The following MLLT10 variants were observed in gnomAD, a reference collection of about 807,000 sequenced individuals.
The protein encoded by MLLT10 is MLLT10 histone lysine methyltransferase DOT1L cofactor, also known as protein AF-10.
MLLT10 carries 30 observed loss-of-function variants against 129.1 expected under a neutral mutation model. The ratio of observed to expected loss-of-function variants is 0.23; its 90% CI spans 0.17 to 0.32. MLLT10 has a LOEUF of 0.32. MLLT10 is among the 10% of genes least tolerant of loss of function. The pLI is 1.00. For missense variants in MLLT10, 1,119 were observed against 1,268.3 expected, an observed-to-expected ratio of 0.88 and a Z score of 1.79; for synonymous variants, 490 against 446.4, an observed-to-expected ratio of 1.10 and a Z score of -1.23.
At chr10:21,690,578 G>A (rs1333059265) in intron 13 of MLLT10, among the ~76,000 whole-genome samples, 1 of 151,890 alleles carries the variant, frequency 6.6e-6, no homozygotes, top group Non-Finnish European at 1.5e-5. Context: ...GCATCTGAGC[G>A]AGTTATTTTA....
At chr10:21,670,072 G>A (rs1391862290) in intron 9 of MLLT10, among the ~76,000 whole-genome samples, 6 of 151,814 alleles carry the variant, frequency 4.0e-5, no homozygotes, top group Admixed American at 6.6e-5. Flanking sequence ...GAATACTAAA[G>A]CTTATTTTAA....
At chr10:21,698,011 A>G (rs554992413) in intron 13 of MLLT10, among the ~76,000 whole-genome samples, 4 of 152,206 alleles carry the variant, frequency 2.6e-5, no homozygotes, top group Admixed American at 6.5e-5. Flanking sequence ...TGAGCAAGTC[A>G]GGGTATGTGG....
chr10:21,717,547 TTC>T (rs375704948), intron 14 of MLLT10, among the ~76,000 whole-genome samples: 3,807 of 84,572 alleles, frequency 0.045, 106 homozygotes, highest in Middle Eastern at 0.12. Flanking sequence ...TCCTCCCTTC[TTC>T]TTTCTTCTTC....
At chr10:21,691,649 G>A (rs563610983) in intron 13 of MLLT10, among the ~76,000 whole-genome samples, 2 of 151,836 alleles carry the variant, frequency 1.3e-5, no homozygotes, top group Non-Finnish European at 2.9e-5. Context: ...AAACAAATCA[G>A]CATAATAAAC....
intron 3 of MLLT10, among the ~76,000 whole-genome samples, chr10:21,582,295 T>C (rs2041549053): frequency 6.6e-6 from 1 of 151,898 alleles, no homozygotes; most frequent in African/African-American, 2.4e-5. Flanking sequence ...TTTTTTTGTG[T>C]TTTTAGTAGA....
chr10:21,545,958 T>C (rs2036006704), intron 3 of MLLT10, among the ~76,000 whole-genome samples: 1 of 152,218 alleles, frequency 6.6e-6, no homozygotes, highest in Admixed American at 6.5e-5. Flanking sequence ...TGAGCCACCA[T>C]GCCTGGCCTA....
At chr10:21,603,449 G>C (rs1229846291) in intron 5 of MLLT10, among the ~76,000 whole-genome samples, 1 of 152,102 alleles carries the variant, frequency 6.6e-6, no homozygotes, top group Non-Finnish European at 1.5e-5. Context: ...TAATTTGTCT[G>C]CTTCTGCTTT....
At chr10:21,717,123 C>G (rs1387130592) in intron 14 of MLLT10, among the ~76,000 whole-genome samples, 2 of 151,442 alleles carry the variant, frequency 1.3e-5, no homozygotes, top group African/African-American at 4.9e-5. Flanking sequence ...CGCGGTGGTG[C>G]ATGCCTGTAA....
intron 13 of MLLT10, among the ~76,000 whole-genome samples, chr10:21,699,199 A>C (rs2054661183): frequency 6.7e-6 from 1 of 149,328 alleles, no homozygotes; most frequent in Non-Finnish European, 1.5e-5. Context: ...TTTGAGAAAT[A>C]TCTATTCATG....
chr10:21,739,766 C>T (rs2058679406), intron 21 of MLLT10, among the ~76,000 whole-genome samples: 1 of 152,204 alleles, frequency 6.6e-6, no homozygotes, highest in African/African-American at 2.4e-5. Flanking sequence ...TCTTAAGCTG[C>T]TGCACTTCCT....
chr10:21,603,086 ACT>A (rs920004145), intron 5 of MLLT10, among the ~76,000 whole-genome samples: 1 of 147,216 alleles, frequency 6.8e-6, no homozygotes, highest in African/African-American at 2.5e-5. Context: ...ATGGAATCTC[ACT>A]GTTTCCCAGG....
intron 8 of MLLT10, chr10:21,624,519 A>C: frequency 1.1e-6 from 1 of 947,646 alleles, no homozygotes; most frequent in Non-Finnish European, 1.5e-6. Context: ...GTTAAACAAA[A>C]TTTTTTTTGA....
chr10:21,623,826 CAG>C (rs897262462), intron 8 of MLLT10, among the ~76,000 whole-genome samples: 7 of 152,244 alleles, frequency 4.6e-5, no homozygotes, highest in African/African-American at 1.7e-4. Context: ...TGTGTTTTCA[CAG>C]AGAGTTTAAA....
At chr10:21,541,781 T>C (rs1014835457) in intron 3 of MLLT10, among the ~76,000 whole-genome samples, 1 of 152,180 alleles carries the variant, frequency 6.6e-6, no homozygotes, top group Non-Finnish European at 1.5e-5. Context: ...CCCAAAGTGG[T>C]GGGATTACAG....
intron 3 of MLLT10, among the ~76,000 whole-genome samples, chr10:21,574,909 A>G (rs2040576655): frequency 1.3e-5 from 2 of 152,106 alleles, no homozygotes; most frequent in East Asian, 1.9e-4. Flanking sequence ...TATGTCTTGT[A>G]TCTTGTGCCA....
rs191908321 is a variant in MLLT10 at position 21,742,662 on chromosome 10, G to A, written c.*679G>A. 8.6e-4 allele frequency: 193 copies of A among 223,416 alleles called. 1 individual carries two copies. Among genetic ancestry groups the A allele is most frequent in the Non-Finnish European group, 1.3e-3 (146 of 111,986 alleles). 13.8% of individuals were successfully genotyped at this position (223,416 alleles called of 1,614,324 possible). On this transcript the variant is annotated 3_prime_UTR_variant, in exon 23 of 23. Transcript: ENST00000307729. ...TGTTAAGACCTACTCATATTTTGAAGAAATCTTGAGTTAAGTGAGTTCTGA... is the reference window on the plus strand; with the variant it reads ...TGTTAAGACCTACTCATATTTTGAAAAAATCTTGAGTTAAGTGAGTTCTGA...
At chr10:21,551,177 G>A (rs906628641) in intron 3 of MLLT10, among the ~76,000 whole-genome samples, 4 of 150,960 alleles carry the variant, frequency 2.6e-5, no homozygotes, top group South Asian at 2.1e-4. Context: ...CGCCTGCCTC[G>A]GCCTCCCAAA....
intron 9 of MLLT10, among the ~76,000 whole-genome samples, chr10:21,654,110 G>A (rs2049319565): frequency 6.6e-6 from 1 of 152,172 alleles, no homozygotes; most frequent in Non-Finnish European, 1.5e-5. Context: ...TTAGTCATTT[G>A]GAGGTCATTA....
At chr10:21,597,056 C>A (rs1361746602) in intron 5 of MLLT10, among the ~76,000 whole-genome samples, 3 of 151,704 alleles carry the variant, frequency 2.0e-5, no homozygotes, top group Non-Finnish European at 4.4e-5. Flanking sequence ...TTTTTAAAAA[C>A]CTTGTTTTTC....
Sources: gnomAD v4.1 joint callset for allele counts (sites outside exome capture counted in the v4.1 genomes callset) on GRCh38, gnomAD v4.1.1 for gene constraint, MANE v1.5 for transcripts, NCBI Gene and HGNC (gene_info 2026-07-23, HGNC 2026-07-21) for gene names.